Variants in DEFB131B observed in about 807,000 individuals in gnomAD.
The protein encoded by DEFB131B is defensin beta 131B.
DEFB131B carries 2 observed loss-of-function variants against 2.1 expected under a neutral mutation model. The observed-to-expected ratio is 0.94, with a 90% confidence interval of 0.38 to 2.95. DEFB131B has a LOEUF of 2.95. DEFB131B is among the 30% of genes most tolerant of loss of function. The pLI is 0.09. For missense variants in DEFB131B, 77 were observed against 78.5 expected, an observed-to-expected ratio of 0.98 and a Z score of 0.07; for synonymous variants, 26 against 25.8, an observed-to-expected ratio of 1.01 and a Z score of -0.03.
At chr11:71,880,119 T>C (rs558347527) in intron 1 of DEFB131B, among the ~76,000 whole-genome samples, 2 of 152,186 alleles carry the variant, frequency 1.3e-5, no homozygotes, top group Non-Finnish European at 2.9e-5. Flanking sequence ...TTTTAAAATG[T>C]GCTCTGAGGT....
intron 1 of DEFB131B, among the ~76,000 whole-genome samples, chr11:71,878,843 A>G (rs1431471094): frequency 6.6e-6 from 1 of 151,280 alleles, no homozygotes; most frequent in East Asian, 1.9e-4. Context: ...AAAAAAAAAT[A>G]CAAAAAATTA....
At chr11:71,884,326 A>G (rs1258961356) in intron 1 of DEFB131B, 81 bp from the exon 2 acceptor site, 15 of 1,370,878 alleles carry the variant, frequency 1.1e-5, no homozygotes, top group Non-Finnish European at 1.4e-5. Context: ...AATGCTTTTA[A>G]TTTATTATAA....
chr11:71,878,661 A>T (rs1952540019), intron 1 of DEFB131B, among the ~76,000 whole-genome samples, 151 bp downstream of exon 1: 2 of 152,212 alleles, frequency 1.3e-5, no homozygotes, highest in Admixed American at 6.5e-5. Flanking sequence ...ATACTAAAGA[A>T]ATAAATAAGG....
rs535752299 is a variant in DEFB131B, at chr11:71,884,425, A to G, written c.77A>G (p.Asn26Ser). 63 of 1,595,528 alleles carry G rather than the reference A, an allele frequency of 3.9e-5. No individual in the cohort carries two copies. In the South Asian group the frequency reaches 6.8e-4, roughly 17 times the overall value. Residue 26 changes from asparagine to serine, a missense_variant, in exon 2 of 2, where the codon AAT (asparagine) becomes AGT (serine). Transcript: ENST00000530210. ...TVPPTRSFTS[N>S]DECPSEYYHC... ...TTTAAAGCCAGAAGCTTCACTTCTA[A>G]TGATGAATGTCCTTCAGAATATTAT...
chr11:71,883,089 A>G (rs998761593), intron 1 of DEFB131B, among the ~76,000 whole-genome samples: 6 of 152,228 alleles, frequency 3.9e-5, no homozygotes, highest in African/African-American at 1.4e-4. Flanking sequence ...GAAAGAAATT[A>G]AAGAAGACAC....
At chr11:71,880,222 G>A (rs892282688) in intron 1 of DEFB131B, among the ~76,000 whole-genome samples, 2 of 152,074 alleles carry the variant, frequency 1.3e-5, no homozygotes, top group African/African-American at 2.4e-5. Context: ...TAAAGTATTG[G>A]TGGATTTTAA....
intron 1 of DEFB131B, among the ~76,000 whole-genome samples, chr11:71,880,931 A>G (rs887146831): frequency 3.9e-5 from 6 of 152,316 alleles, no homozygotes; most frequent in Admixed American, 2.6e-4. Flanking sequence ...GTGTCTTAAC[A>G]TATGGTCTAG....
At chr11:71,879,636 T>A (rs115457937) in intron 1 of DEFB131B, among the ~76,000 whole-genome samples, 11,098 of 152,148 alleles carry the variant, frequency 0.073, 652 homozygotes, top group African/African-American at 0.16. Context: ...TTTACCATAA[T>A]ATTCATTGCC....
In DEFB131B at chr11:71,884,427, G is replaced by A. The variant is rs776048963; in HGVS notation, c.79G>A (p.Asp27Asn). Residue 27 changes from aspartate (D) to asparagine (N), a missense_variant, in exon 2 of 2, where the codon GAT becomes AAT. Asp to Asn is a conservative substitution (Grantham distance 23, BLOSUM62 1). Transcript: ENST00000530210. ...VPPTRSFTSN[D>N]ECPSEYYHCR... is the part of the protein sequence containing the mutation. ...TAAAGCCAGAAGCTTCACTTCTAATGATGAATGTCCTTCAGAATATTATCA... is the reference window on the plus strand; with the variant it reads ...TAAAGCCAGAAGCTTCACTTCTAATAATGAATGTCCTTCAGAATATTATCA... The A allele has an allele frequency of 5.0e-6, 8 of 1,596,646 alleles. No individual in the cohort carries two copies. In the Admixed American group the frequency reaches 8.6e-5, roughly 17 times the overall value.
intron 1 of DEFB131B, 102 bp from the exon 2 acceptor site, chr11:71,884,305 G>A (rs1952600543): frequency 7.7e-7 from 1 of 1,301,660 alleles, no homozygotes; most frequent in Non-Finnish European, 9.9e-7. Flanking sequence ...GTTTTTCTGG[G>A]AAAGTTCTGT....
intron 1 of DEFB131B, 99 bp downstream of exon 1, chr11:71,878,609 T>C: frequency 2.4e-6 from 3 of 1,250,928 alleles, no homozygotes; most frequent in Non-Finnish European, 2.2e-6. Flanking sequence ...CATGGGCAGA[T>C]TTTACTGTAC....
intron 1 of DEFB131B, among the ~76,000 whole-genome samples, chr11:71,881,301 A>G (rs937781683): frequency 3.3e-5 from 5 of 152,214 alleles, no homozygotes; most frequent in Admixed American, 2.6e-4. Context: ...TTTCACTTAA[A>G]GTCAATTTTG....
intron 1 of DEFB131B, among the ~76,000 whole-genome samples, chr11:71,879,528 CTTCATGA>C (rs1952546914): frequency 6.6e-6 from 1 of 152,068 alleles, no homozygotes; most frequent in South Asian, 2.1e-4. Flanking sequence ...TTATATAATA[CTTCATGA>C]TTCAAGATTC....
At chr11:71,881,120 T>A (rs1952558735) in intron 1 of DEFB131B, among the ~76,000 whole-genome samples, 1 of 152,208 alleles carries the variant, frequency 6.6e-6, no homozygotes, top group Admixed American at 6.5e-5. Context: ...ATTGAAGCCC[T>A]CAGTTATCAT....
intron 1 of DEFB131B, among the ~76,000 whole-genome samples, chr11:71,881,752 T>C (rs1952564468): frequency 6.6e-6 from 1 of 152,150 alleles, no homozygotes; most frequent in South Asian, 2.1e-4. Context: ...ATCAATAGAC[T>C]GATATGATCA....
At chr11:71,882,197 G>T (rs1952569437) in intron 1 of DEFB131B, among the ~76,000 whole-genome samples, 2 of 147,964 alleles carry the variant, frequency 1.4e-5, no homozygotes, top group African/African-American at 5.1e-5. Flanking sequence ...AGAGGAAAGT[G>T]AAATATTTAA....
At position 71,884,490 on chromosome 11, in the gene DEFB131B, A is replaced by G. The variant is rs1428361894; in HGVS notation, c.142A>G (p.Arg48Gly). The G allele has an allele frequency of 6.2e-7, 1 of 1,610,696 alleles. No individual in the cohort carries two copies. The highest frequency in any genetic ancestry group is 8.5e-7 in the Non-Finnish European group (1 of 1,179,028). Reference protein sequence around the residue: ...LKCNADEHAIRYCADFSICCK... With the variant: ...LKCNADEHAIGYCADFSICCK... ...GTGCAATGCTGATGAACATGCAATT[A>G]GATACTGTGCTGACTTCAGCATCTG... The change falls in exon 2 of 2, where the codon AGA becomes GGA. Residue 48 changes from arginine to glycine, a missense_variant. Transcript: ENST00000530210.
At chr11:71,884,057 G>T (rs1233410149) in intron 1 of DEFB131B, among the ~76,000 whole-genome samples, 2 of 152,026 alleles carry the variant, frequency 1.3e-5, no homozygotes, top group Non-Finnish European at 2.9e-5. Context: ...CATCCCCAAT[G>T]ACTTTTTTAA....
chr11:71,884,552 G>T lies in DEFB131B; in HGVS notation c.204G>T (p.Lys68Asn), dbSNP rs1259542266. The T allele has an allele frequency of 3.1e-6, 5 of 1,602,980 alleles. No individual in the cohort carries two copies. The highest frequency in any genetic ancestry group is 4.3e-6 in the Non-Finnish European group (5 of 1,174,658). The change falls in exon 2 of 2, where the codon AAG becomes AAT. Residue 68 changes from lysine to asparagine, a missense_variant. By Grantham distance (94) the Lys-to-Asn change is moderately conservative. Transcript: ENST00000530210. ...AGATCATTCAAATTGATGGACAAAA[G>T]AAGTGGTGAAAATTCTAACTCCATC... ...KLKIIQIDGQ[K>N]KW
Sources: gnomAD v4.1 joint callset for allele counts (sites outside exome capture counted in the v4.1 genomes callset) on GRCh38, gnomAD v4.1.1 for gene constraint, MANE v1.5 for transcripts, NCBI Gene and HGNC (gene_info 2026-07-23, HGNC 2026-07-21) for gene names.